Variants in MTM1 observed in about 807,000 individuals in gnomAD.
MTM1 encodes the protein myotubularin.
In MTM1, 9 loss-of-function variants were observed where a neutral mutation model predicts 52.1. The observed-to-expected ratio is 0.17, with a 90% CI of 0.10 to 0.30. The LOEUF (loss-of-function observed/expected upper bound fraction) is 0.30, where lower values mean the gene tolerates loss of function less well. Ranked by LOEUF, MTM1 falls within the 10% of genes least tolerant of loss-of-function variation. The pLI, the probability that MTM1 is intolerant of heterozygous loss-of-function variation, is 1.00. For synonymous variants in MTM1, 136 were observed against 163.8 expected, an observed-to-expected ratio of 0.83 and a Z score of 1.29; for missense variants, 277 against 470.7, an observed-to-expected ratio of 0.59 and a Z score of 3.81.
At chrX:150,599,192 T>C (rs2039029277) in intron 4 of MTM1, among the ~76,000 whole-genome samples, 1 of 112,787 alleles carries the variant, frequency 8.9e-6, no homozygotes, top group Non-Finnish European at 1.9e-5. Flanking sequence ...TGTTCAATGA[T>C]AAAGCACCAG....
intron 1 of MTM1, among the ~76,000 whole-genome samples, chrX:150,578,116 A>G (rs1211209083): frequency 1.8e-5 from 2 of 112,335 alleles, no homozygotes; most frequent in African/African-American, 6.5e-5. Context: ...GTAGGCCTGA[A>G]TTAATCAGCA....
chrX:150,635,176 C>T (rs1557413680), intron 6 of MTM1, among the ~76,000 whole-genome samples: 1 of 112,456 alleles, frequency 8.9e-6, no homozygotes, highest in African/African-American at 3.2e-5. Context: ...AGCAAAACAT[C>T]TTCTCTGTCC....
intron 1 of MTM1, among the ~76,000 whole-genome samples, chrX:150,569,049 C>T (rs2038314699): frequency 8.8e-6 from 1 of 113,602 alleles, no homozygotes; most frequent in Non-Finnish European, 1.9e-5. Context: ...GCCTCCCCGG[C>T]GACGCTCCGC....
intron 2 of MTM1, among the ~76,000 whole-genome samples, chrX:150,593,945 G>A (rs782757296): frequency 9.0e-6 from 1 of 110,765 alleles, no homozygotes; most frequent in East Asian, 2.9e-4. Context: ...CAGCCTGGGC[G>A]ACAGAGTGAG....
chrX:150,588,268 G>T (rs782401818), intron 1 of MTM1, among the ~76,000 whole-genome samples: 32 of 111,754 alleles, frequency 2.9e-4, no homozygotes, highest in African/African-American at 9.4e-4. Flanking sequence ...CACATTAAAG[G>T]CTCATCAAAA....
intron 14 of MTM1, among the ~76,000 whole-genome samples, chrX:150,666,302 C>T (rs1200108976): frequency 2.7e-5 from 3 of 112,247 alleles, no homozygotes; most frequent in Non-Finnish European, 5.6e-5. Context: ...TTGTGTTTGT[C>T]TGTAGCCCAA....
intron 1 of MTM1, among the ~76,000 whole-genome samples, chrX:150,587,282 T>C (rs1314848475): frequency 8.9e-6 from 1 of 112,099 alleles, no homozygotes; most frequent in Non-Finnish European, 1.9e-5. Context: ...ATGGGAATTA[T>C]TTTAACAGCT....
chrX:150,653,065 TATGAAAGAA>T (rs2040055229), intron 10 of MTM1, among the ~76,000 whole-genome samples: 1 of 111,400 alleles, frequency 9.0e-6, no homozygotes, highest in Non-Finnish European at 1.9e-5. Flanking sequence ...GCAAAGGGGA[TATGAAAGAA>T]ATGAAAGAAA....
chrX:150,666,412 T>C (rs1272288922), intron 14 of MTM1, among the ~76,000 whole-genome samples: 1 of 112,750 alleles, frequency 8.9e-6, no homozygotes, highest in Non-Finnish European at 1.9e-5. Context: ...GATACAGTCA[T>C]GCCATCTGCA....
Position 150,614,622 on chromosome X carries a change from G to A in MTM1, c.265G>A (p.Val89Met). The A allele has an allele frequency of 8.3e-7, 1 of 1,202,466 alleles. No individual in the cohort carries two copies. The highest frequency in any genetic ancestry group is 1.1e-6 in the Non-Finnish European group (1 of 887,807). ...SSLILDVPLGVISRIEKMGGA... is the reference protein window; with the variant it reads ...SSLILDVPLGMISRIEKMGGA... ...TCTAATACTTGATGTTCCTCTGGGTGTGATCTCGAGAATTGAAAAAATGGG... is the reference window on the plus strand; with the variant it reads ...TCTAATACTTGATGTTCCTCTGGGTATGATCTCGAGAATTGAAAAAATGGG... Residue 89 changes from valine (V) to methionine (M), a missense_variant, in exon 5 of 15, where the codon GTG becomes ATG. Val to Met is a conservative substitution (Grantham distance 21). Coordinates refer to ENST00000370396, the MANE Select transcript of MTM1 (RefSeq NM_000252.3).
chrX:150,635,468 G>C (rs1233051718), intron 6 of MTM1, among the ~76,000 whole-genome samples: 1 of 112,179 alleles, frequency 8.9e-6, no homozygotes, highest in Admixed American at 9.4e-5. Context: ...GGAAGAGAAA[G>C]TAAATGACAG....
intron 11 of MTM1, among the ~76,000 whole-genome samples, chrX:150,658,602 AC>A (rs1194318140): frequency 1.4e-4 from 15 of 110,672 alleles, no homozygotes; most frequent in African/African-American, 4.9e-4. Context: ...TTTTAAAATA[AC>A]CCCCCCAAGA....
intron 5 of MTM1, 26 bp from the exon 6 acceptor site, chrX:150,619,011 AC>A (rs1557413207): frequency 9.5e-7 from 1 of 1,050,949 alleles, no homozygotes; most frequent in Admixed American, 2.2e-5. Context: ...TGAAGACTGA[AC>A]TGTCATACTT....
At chrX:150,622,211 A>C (rs1348470438) in intron 6 of MTM1, among the ~76,000 whole-genome samples, 4 of 109,688 alleles carry the variant, frequency 3.6e-5, no homozygotes, top group Non-Finnish European at 7.6e-5. Flanking sequence ...AAAAAAAAAA[A>C]AGTCAACTGA....
intron 10 of MTM1, among the ~76,000 whole-genome samples, chrX:150,652,654 TATATAC>T (rs1429976612): frequency 3.6e-4 from 16 of 44,694 alleles, no homozygotes; most frequent in African/African-American, 1.4e-3. Flanking sequence ...TGTGTATATA[TATATAC>T]ACACACACAC....
At chrX:150,576,510 A>G (rs2038474558) in intron 1 of MTM1, among the ~76,000 whole-genome samples, 1 of 111,572 alleles carries the variant, frequency 9.0e-6, no homozygotes, top group Non-Finnish European at 1.9e-5. Flanking sequence ...TTTCCCTTTT[A>G]GGGCTTTTCC....
intron 4 of MTM1, among the ~76,000 whole-genome samples, chrX:150,614,325 G>A (rs1201072758): frequency 2.7e-5 from 3 of 112,056 alleles, no homozygotes; most frequent in Non-Finnish European, 5.6e-5. Context: ...TATCACGGAC[G>A]TCCTGGAAAT....
chrX:150,600,416 A>G (rs1222012918), intron 4 of MTM1, among the ~76,000 whole-genome samples: 5 of 112,400 alleles, frequency 4.4e-5, no homozygotes, highest in African/African-American at 1.6e-4. Flanking sequence ...ACTGATTAAA[A>G]AGTTAATATT....
At chrX:150,631,092 A>G (rs2039659164) in intron 6 of MTM1, among the ~76,000 whole-genome samples, 1 of 112,042 alleles carries the variant, frequency 8.9e-6, no homozygotes, top group Non-Finnish European at 1.9e-5. Context: ...CACAAGCAAA[A>G]TTCCAGGCTT....
Sources: allele counts gnomAD v4.1 joint callset (sites outside exome capture counted in the v4.1 genomes callset), GRCh38; gene constraint gnomAD v4.1.1; transcripts MANE v1.5; gene names NCBI Gene and HGNC (gene_info 2026-07-23, HGNC 2026-07-21).